The following PSTPIP2 variants were observed in gnomAD, a reference collection of about 807,000 sequenced individuals.
PSTPIP2 encodes proline-serine-threonine phosphatase-interacting protein 2.
Under a neutral mutation model 63.3 loss-of-function variants are expected in PSTPIP2, and 33 were observed. That is an observed-to-expected ratio of 0.52 (90% CI 0.40 to 0.70). The LOEUF is 0.70. Among genes scored for constraint, PSTPIP2 ranks in the 30% least tolerant of loss-of-function variants. PSTPIP2 has a pLI of 0.00. For missense variants in PSTPIP2, 312 were observed against 400.7 expected (o/e 0.78, Z 1.89); for synonymous variants, 125 against 132.7 (o/e 0.94, Z 0.40).
At chr18:45,987,665 G>A (rs1317970512) in intron 14 of PSTPIP2, among the ~76,000 whole-genome samples, 1 of 152,192 alleles carries the variant, frequency 6.6e-6, no homozygotes, top group Non-Finnish European at 1.5e-5. Flanking sequence ...TAGCTCGTGT[G>A]TACCTATATA....
At chr18:46,013,836 G>A (rs2051825821) in intron 4 of PSTPIP2, among the ~76,000 whole-genome samples, 1 of 152,066 alleles carries the variant, frequency 6.6e-6, no homozygotes, top group South Asian at 2.1e-4. Flanking sequence ...CAACAGAGAT[G>A]AACTCTGACA....
At chr18:46,021,518 A>G (rs1907352350) in intron 3 of PSTPIP2, among the ~76,000 whole-genome samples, 1 of 151,710 alleles carries the variant, frequency 6.6e-6, no homozygotes, top group Non-Finnish European at 1.5e-5. Context: ...TAAACATAAA[A>G]TTTTAAACAT....
intron 2 of PSTPIP2, among the ~76,000 whole-genome samples, chr18:46,027,812 A>G (rs1450303943): frequency 6.6e-6 from 1 of 152,254 alleles, no homozygotes; most frequent in Non-Finnish European, 1.5e-5. Flanking sequence ...TCTTTACCAT[A>G]GGAAAAATTA....
At chr18:46,031,043 G>A (rs911732364) in intron 2 of PSTPIP2, among the ~76,000 whole-genome samples, 1 of 152,132 alleles carries the variant, frequency 6.6e-6, no homozygotes, top group Admixed American at 6.6e-5. Context: ...AGAGTTTCCT[G>A]GTTCATAGTG....
intron 1 of PSTPIP2, among the ~76,000 whole-genome samples, chr18:46,056,947 C>CA (rs1028246721): frequency 3.0e-4 from 46 of 151,948 alleles, no homozygotes; most frequent in African/African-American, 1.1e-3. Context: ...ACTAAAAATA[C>CA]AAAAAAATTA....
At chr18:46,004,439 G>A (rs926313408) in intron 6 of PSTPIP2, among the ~76,000 whole-genome samples, 1 of 152,164 alleles carries the variant, frequency 6.6e-6, no homozygotes, top group Non-Finnish European at 1.5e-5. Context: ...TCCAATCTCT[G>A]TCTTGCCAAC....
At chr18:46,024,061 A>T (rs1907485192) in intron 3 of PSTPIP2, among the ~76,000 whole-genome samples, 8 of 152,106 alleles carry the variant, frequency 5.3e-5, no homozygotes, top group Admixed American at 5.2e-4. Flanking sequence ...AATAAAAAAA[A>T]TTATAATTTT....
In PSTPIP2 at chr18:45,999,297, T is replaced by C. The variant is rs567569752; in HGVS notation, c.516+139A>G. 3.8e-6 allele frequency: 3 copies of C among 785,472 alleles called. No homozygotes were observed. The South Asian group carries it at 5.4e-5, about 14-fold the overall frequency. 48.7% of individuals were successfully genotyped at this position (785,472 alleles called of 1,614,324 possible). A position where few individuals can be genotyped will look rare whatever the true frequency, so the allele number is the denominator to read the frequency against. On this transcript the variant is annotated intron_variant, in intron 7 of 14. Transcript: ENST00000409746. ...AATATGTGGCAGTGGTTTTTCAGGT[T>C]CAGAAGACCCCCAATACATGAAGGA...
rs112384501 is a variant in PSTPIP2, at chr18:46,049,330, G to T, written c.34-9283C>A. Among the ~76,000 whole-genome samples, 1,140 of 152,072 alleles carry T rather than the reference G, an allele frequency of 7.5e-3. 17 individuals are homozygous for T. The highest frequency in any genetic ancestry group is 0.033 in the Admixed American group (496 of 15,252). On this transcript the variant is annotated intron_variant, in intron 1 of 14. Coordinates refer to ENST00000409746, the MANE Select transcript of PSTPIP2 (RefSeq NM_024430.4). ...TTGGAGAGTGGAGAGTGGAAGGAGG[G>T]AGATGATCAGAAAAAATGACTAATG...
chr18:46,052,570 A>C (rs1012624451), intron 1 of PSTPIP2, among the ~76,000 whole-genome samples: 1 of 151,930 alleles, frequency 6.6e-6, no homozygotes, highest in Non-Finnish European at 1.5e-5. Flanking sequence ...GTTAATTTAA[A>C]AAAAAAAACT....
In PSTPIP2 at chr18:46,009,393, C is replaced by CAAAAAAA. The variant is rs2051770698; in HGVS notation, c.354+1787_354+1788insTTTTTTT. On this transcript the variant is annotated intron_variant, in intron 5 of 14. Transcript: ENST00000409746. ...AAAAAAAAAAAAAAAAAAAAAAAACCTAGCTAAATACGGAAGTGGTAAAAC... is the reference window on the plus strand; with the variant it reads ...AAAAAAAAAAAAAAAAAAAAAAAACCAAAAAAATAGCTAAATACGGAAGTGGTAAAAC... Among the ~76,000 whole-genome samples, 6 of 12,388 alleles carry CAAAAAAA rather than the reference C, an allele frequency of 4.8e-4. 2 individuals are homozygous for CAAAAAAA. Among genetic ancestry groups the CAAAAAAA allele is most frequent in the African/African-American group, 2.8e-3 (6 of 2,112 alleles). The allele number at this position is 12,388 out of a possible 152,430, so 8.1% of individuals were successfully genotyped here.
At chr18:46,053,999 G>A (rs1908666863) in intron 1 of PSTPIP2, among the ~76,000 whole-genome samples, 2 of 152,116 alleles carry the variant, frequency 1.3e-5, no homozygotes, top group South Asian at 4.1e-4. Flanking sequence ...AAACCTAGAT[G>A]GTGTAGCCTA....
intron 13 of PSTPIP2, among the ~76,000 whole-genome samples, chr18:45,989,285 A>C (rs2051498788): frequency 6.6e-6 from 1 of 152,110 alleles, no homozygotes; most frequent in Non-Finnish European, 1.5e-5. Context: ...AGTGGGAGAT[A>C]ATTTGAATCA....
chr18:46,028,803 T>C, intron 2 of PSTPIP2: 1 of 1,412,382 alleles, frequency 7.1e-7, no homozygotes, highest in South Asian at 1.1e-5. Flanking sequence ...GGGCAGAGAC[T>C]AATAAGCTGA....
intron 1 of PSTPIP2, among the ~76,000 whole-genome samples, chr18:46,042,389 A>G (rs1324385790): frequency 6.6e-6 from 1 of 152,064 alleles, no homozygotes; most frequent in African/African-American, 2.4e-5. Flanking sequence ...CTCAATTCCC[A>G]GGTTTTCCCG....
intron 2 of PSTPIP2, 90 bp downstream of exon 2, chr18:46,039,857 T>G (rs1908125686): frequency 1.8e-6 from 2 of 1,133,140 alleles, no homozygotes; most frequent in Middle Eastern, 1.9e-4. Flanking sequence ...TCAGAACCAT[T>G]AAACACAAAT....
intron 2 of PSTPIP2, 89 bp from the exon 3 acceptor site, chr18:46,024,775 C>A: frequency 2.1e-6 from 2 of 949,206 alleles, no homozygotes; most frequent in Non-Finnish European, 3.4e-6. Flanking sequence ...AGCAAAACTG[C>A]ACCTGTGACC....
At chr18:46,052,564 A>AT (rs1210633042) in intron 1 of PSTPIP2, among the ~76,000 whole-genome samples, 1 of 114,158 alleles carries the variant, frequency 8.8e-6, no homozygotes, top group Non-Finnish European at 1.9e-5. Context: ...TTTAATGTTA[A>AT]TTTAAAAAAA....
At chr18:46,071,284 C>T (rs548613114) in intron 1 of PSTPIP2, among the ~76,000 whole-genome samples, 5 of 152,274 alleles carry the variant, frequency 3.3e-5, no homozygotes, top group Admixed American at 2.0e-4. Context: ...TTGGCAGCTG[C>T]GGTCAACTTT....
Sources: allele counts gnomAD v4.1 joint callset (sites outside exome capture counted in the v4.1 genomes callset), GRCh38; gene constraint gnomAD v4.1.1; transcripts MANE v1.5; gene names NCBI Gene and HGNC (gene_info 2026-07-23, HGNC 2026-07-21).